The following DNAH6 variants were observed in gnomAD, a reference collection of about 807,000 sequenced individuals.
DNAH6 encodes the protein dynein axonemal heavy chain 6.
A neutral mutation model predicts 491.4 loss-of-function variants in DNAH6; 340 were observed. The ratio of observed to expected loss-of-function variants is 0.69; its 90% confidence interval spans 0.63 to 0.76. The LOEUF (loss-of-function observed/expected upper bound fraction) is 0.76. DNAH6 is among the 30% of genes least tolerant of loss of function. The probability of loss-of-function intolerance (pLI) is 0.00; values close to 1 mark genes in which losing one functional copy is unlikely to be tolerated. For missense variants in DNAH6, 4,443 were observed against 4,972.2 expected (o/e 0.89, Z 3.20); for synonymous variants, 1,603 against 1,686.1 (o/e 0.95, Z 1.21).
At position 84,526,957 on chromosome 2, in the gene DNAH6, A is replaced by G. The variant is rs1184778224; in HGVS notation, c.399+1219A>G. 2.0e-5 allele frequency among the ~76,000 whole-genome samples: 3 copies of G among 152,326 alleles called. No individual in the cohort carries two copies. The East Asian group carries it at 5.8e-4, about 29-fold the overall frequency. ...GAAAAGGAATATTAGGTTGTGAGCT[A>G]TGCTTCCTGGTTGTAGCTGTCACTC... On this transcript the variant is annotated intron_variant, in intron 3 of 76. Coordinates refer to ENST00000389394, the MANE Select transcript of DNAH6 (RefSeq NM_001370.2).
chr2:84,812,243 G>T, intron 72 of DNAH6, 98 bp from the exon 73 acceptor site: 1 of 1,079,834 alleles, frequency 9.3e-7, no homozygotes. Flanking sequence ...AGCAACTGGC[G>T]CCTCCAGGCA....
chr2:84,480,590 G>C, the DNAH6 span, among the ~76,000 whole-genome samples: 1 of 152,202 alleles, frequency 6.6e-6, no homozygotes, highest in Non-Finnish European at 1.5e-5. Context: ...ATACTCAACA[G>C]ATGTAGACCA....
At chr2:84,784,908 G>A (rs1307596326) in intron 66 of DNAH6, 98 bp downstream of exon 66, 14 of 835,132 alleles carry the variant, frequency 1.7e-5, no homozygotes, top group Non-Finnish European at 2.5e-5. Context: ...GAAGCATGTG[G>A]AGGTCTGTGT....
In DNAH6 at chr2:84,579,695, C is replaced by T. The variant is rs2103997691; in HGVS notation, c.2229+16C>T. The T allele has an allele frequency of 6.5e-7, 1 of 1,544,408 alleles. No homozygotes were observed. The highest frequency in any genetic ancestry group is 2.3e-5 in the East Asian group (1 of 43,698). The stretch of plus-strand genomic sequence containing the variant: ...TCAGGAACGGGTGAGTTGATTATCT[C>T]ATATAACTCAATATTCCAGATCTTA... On this transcript the variant is annotated intron_variant, in intron 14 of 76. Transcript: ENST00000389394.
At chr2:84,760,821 C>T (rs955728547) in intron 63 of DNAH6, among the ~76,000 whole-genome samples, 5 of 152,258 alleles carry the variant, frequency 3.3e-5, no homozygotes, top group African/African-American at 7.2e-5. Context: ...TCACAGCTCA[C>T]TGCAATCGCA....
At chr2:84,578,945 G>T (rs540667377) in intron 13 of DNAH6, among the ~76,000 whole-genome samples, 1 of 152,310 alleles carries the variant, frequency 6.6e-6, no homozygotes, top group African/African-American at 2.4e-5. Context: ...GCCTTGTGAA[G>T]AAGGTGCCTT....
At chr2:84,556,924 C>T (rs1680087600) in intron 10 of DNAH6, among the ~76,000 whole-genome samples, 1 of 152,140 alleles carries the variant, frequency 6.6e-6, no homozygotes, top group South Asian at 2.1e-4. Flanking sequence ...TGTTTAAAAG[C>T]ACCAGAACTT....
chr2:84,650,748 A>G (rs1690379794), intron 33 of DNAH6, among the ~76,000 whole-genome samples: 1 of 152,150 alleles, frequency 6.6e-6, no homozygotes, highest in Non-Finnish European at 1.5e-5. Context: ...TTTGTCAGAC[A>G]GTTTTAACGT....
At chr2:84,579,747 A>G in intron 14 of DNAH6, 68 bp downstream of exon 14, 1 of 1,390,286 alleles carries the variant, frequency 7.2e-7, no homozygotes, top group Non-Finnish European at 9.6e-7. Context: ...ATAGGACAAG[A>G]AAAAGTGAAG....
At chr2:84,818,994 A>C (rs538360835) in intron 76 of DNAH6, among the ~76,000 whole-genome samples, 1 of 152,166 alleles carries the variant, frequency 6.6e-6, no homozygotes, top group South Asian at 2.1e-4. Context: ...AATCACTTGA[A>C]CCCAGGAGGG....
chr2:84,534,443 A>G (rs1256451928), intron 4 of DNAH6, among the ~76,000 whole-genome samples: 1 of 152,090 alleles, frequency 6.6e-6, no homozygotes, highest in East Asian at 1.9e-4. Context: ...AGCCTCTGCC[A>G]CCTTCCTGTT....
chr2:84,500,193 T>G, the DNAH6 span, among the ~76,000 whole-genome samples: 2 of 152,194 alleles, frequency 1.3e-5, no homozygotes, highest in Admixed American at 6.5e-5. Flanking sequence ...TAATCCATTT[T>G]TATTTGATTT....
At chr2:84,663,164 TA>T (rs1401480258) in intron 37 of DNAH6, among the ~76,000 whole-genome samples, 1 of 152,202 alleles carries the variant, frequency 6.6e-6, no homozygotes, top group Non-Finnish European at 1.5e-5. Context: ...CTGAAAATTC[TA>T]AAAATCAGAG....
chr2:84,526,241 T>C (rs1220039479), intron 3 of DNAH6, among the ~76,000 whole-genome samples: 1 of 151,378 alleles, frequency 6.6e-6, no homozygotes, highest in Non-Finnish European at 1.5e-5. Flanking sequence ...AAAAAAACAA[T>C]AAGGGGAGAA....
chr2:84,592,460 T>A, intron 16 of DNAH6, among the ~76,000 whole-genome samples: 1 of 152,164 alleles, frequency 6.6e-6, no homozygotes, highest in East Asian at 1.9e-4. Context: ...TTGGCAAGGA[T>A]GTGAAGACAC....
chr2:84,728,208 G>A (rs1240371908), intron 61 of DNAH6, among the ~76,000 whole-genome samples: 3 of 152,212 alleles, frequency 2.0e-5, no homozygotes, highest in Non-Finnish European at 4.4e-5. Context: ...GCATGGAACT[G>A]TGAGTTCCAT....
At chr2:84,648,104 G>T (rs1690065980) in intron 33 of DNAH6, among the ~76,000 whole-genome samples, 1 of 152,190 alleles carries the variant, frequency 6.6e-6, no homozygotes, top group Admixed American at 6.5e-5. Flanking sequence ...CAAAGAGCAT[G>T]TTTATGTAAA....
chr2:84,722,109 T>C (rs1698218031), intron 59 of DNAH6, among the ~76,000 whole-genome samples: 1 of 152,178 alleles, frequency 6.6e-6, no homozygotes, highest in South Asian at 2.1e-4. Flanking sequence ...TTCTATCCCA[T>C]ATGTCTATAC....
chr2:84,771,976 A>G (rs1408664816), intron 64 of DNAH6, among the ~76,000 whole-genome samples: 2 of 152,188 alleles, frequency 1.3e-5, no homozygotes, highest in African/African-American at 4.8e-5. Context: ...TTCATTTTGT[A>G]TATAATTAAA....
Sources: gnomAD v4.1 joint callset for allele counts (sites outside exome capture counted in the v4.1 genomes callset) on GRCh38, gnomAD v4.1.1 for gene constraint, MANE v1.5 for transcripts, NCBI Gene and HGNC (gene_info 2026-07-23, HGNC 2026-07-21) for gene names.